The following OPCML variants were observed in gnomAD, a reference collection of about 807,000 sequenced individuals.
OPCML encodes opioid binding protein/cell adhesion molecule like.
A neutral mutation model predicts 37.8 loss-of-function variants in OPCML; 13 were observed. That is an observed-to-expected ratio of 0.34 (90% CI 0.22 to 0.55). The LOEUF (loss-of-function observed/expected upper bound fraction) is 0.55, where lower values mean the gene tolerates loss of function less well. Ranked by LOEUF, OPCML falls within the 20% of genes least tolerant of loss-of-function variation. The pLI is 0.91. For synonymous variants in OPCML, 176 were observed against 168.8 expected (o/e 1.04, Z -0.33); for missense variants, 341 against 435.6 (o/e 0.78, Z 1.93).
intron 4 of OPCML, 151 bp downstream of exon 4, chr11:132,528,910 A>T (rs879065447): frequency 2.0e-6 from 1 of 512,534 alleles, no homozygotes; most frequent in South Asian, 3.9e-5. Flanking sequence ...CTTCTTTTGA[A>T]ATGAAATAGC....
intron 1 of OPCML, among the ~76,000 whole-genome samples, chr11:133,510,357 C>A (rs1169927686): frequency 6.6e-6 from 1 of 152,178 alleles, no homozygotes; most frequent in Non-Finnish European, 1.5e-5. Context: ...ATTTCTGTAC[C>A]TGATTCTGCC....
At chr11:132,603,466 T>A (rs1052925195) in intron 3 of OPCML, among the ~76,000 whole-genome samples, 6 of 152,220 alleles carry the variant, frequency 3.9e-5, no homozygotes, top group African/African-American at 1.4e-4. Context: ...CATTATTCTG[T>A]ATCTCTACCA....
At chr11:132,554,871 T>TTTG (rs1276220646) in intron 3 of OPCML, among the ~76,000 whole-genome samples, 3 of 127,810 alleles carry the variant, frequency 2.3e-5, no homozygotes, top group Admixed American at 8.3e-5. Context: ...AAGTTTTTTT[T>TTTG]TTTTTTTTTT....
chr11:133,269,717 G>A (rs529441728), intron 1 of OPCML, among the ~76,000 whole-genome samples: 30 of 152,206 alleles, frequency 2.0e-4, no homozygotes, highest in Non-Finnish European at 3.7e-4. Context: ...GGACAATATC[G>A]TTAACATGCA....
chr11:132,489,499 T>A (rs2096209525), intron 4 of OPCML, among the ~76,000 whole-genome samples: 1 of 152,218 alleles, frequency 6.6e-6, no homozygotes, highest in African/African-American at 2.4e-5. Context: ...CATGCTGGAC[T>A]TTCACACAAC....
intron 4 of OPCML, among the ~76,000 whole-genome samples, chr11:132,511,982 A>G (rs10894570): frequency 0.21 from 31,705 of 152,002 alleles, 3,387 homozygotes; most frequent in Non-Finnish European, 0.23. Context: ...AGCTGACATA[A>G]GACATGTATC....
chr11:133,062,449 C>T (rs933819901), intron 1 of OPCML, among the ~76,000 whole-genome samples: 5 of 152,194 alleles, frequency 3.3e-5, no homozygotes, highest in Admixed American at 1.3e-4. Flanking sequence ...GTTTTCCAAA[C>T]ATTTTTAATT....
At chr11:132,510,008 C>T (rs373593181) in intron 4 of OPCML, among the ~76,000 whole-genome samples, 66 of 152,310 alleles carry the variant, frequency 4.3e-4, no homozygotes, top group African/African-American at 1.6e-3. Context: ...GGGAGGGAAG[C>T]TGTACCCTGT....
chr11:133,486,468 T>G (rs1195652169), intron 1 of OPCML, among the ~76,000 whole-genome samples: 1 of 152,130 alleles, frequency 6.6e-6, no homozygotes, highest in African/African-American at 2.4e-5. Context: ...CTTCTTTTTT[T>G]TTCTCTTCCT....
intron 4 of OPCML, among the ~76,000 whole-genome samples, chr11:132,487,276 C>A (rs1426540475): frequency 6.6e-6 from 1 of 152,216 alleles, no homozygotes; most frequent in African/African-American, 2.4e-5. Context: ...CCATGACGGG[C>A]AACGTCTCTT....
intron 1 of OPCML, among the ~76,000 whole-genome samples, chr11:133,063,205 C>G (rs1488779730): frequency 6.6e-6 from 1 of 152,238 alleles, no homozygotes; most frequent in Non-Finnish European, 1.5e-5. Context: ...GTGGTACAGG[C>G]TCCGAGTGAG....
intron 2 of OPCML, among the ~76,000 whole-genome samples, chr11:132,942,494 G>T (rs927455270): frequency 1.3e-5 from 2 of 152,152 alleles, no homozygotes; most frequent in African/African-American, 4.8e-5. Context: ...CACATTTGAG[G>T]TGCATCTCTG....
At chr11:132,446,103 CTTTTTTTTTTT>C (rs58784534) in intron 4 of OPCML, among the ~76,000 whole-genome samples, 40 of 48,516 alleles carry the variant, frequency 8.2e-4, no homozygotes, top group African/African-American at 1.6e-3. Flanking sequence ...CTGCTTGTGT[CTTTTTTTTTTT>C]TTTTTTTTTT....
chr11:132,813,378 T>A (rs1487868920), intron 2 of OPCML, among the ~76,000 whole-genome samples: 7 of 152,210 alleles, frequency 4.6e-5, no homozygotes, highest in Admixed American at 6.5e-5. Context: ...TGTTTAATTT[T>A]CAAAATGAGT....
intron 1 of OPCML, among the ~76,000 whole-genome samples, chr11:132,993,440 C>A (rs140297240): frequency 1.3e-5 from 2 of 152,162 alleles, no homozygotes; most frequent in South Asian, 4.2e-4. Context: ...GAAGCAGAAA[C>A]GAGCATGGAT....
chr11:132,994,224 T>C (rs762504788), intron 1 of OPCML, among the ~76,000 whole-genome samples: 1 of 152,158 alleles, frequency 6.6e-6, no homozygotes. Context: ...GGTGCGCTCC[T>C]GCCAGGAGCC....
At chr11:132,678,769 A>C (rs763906748) in intron 2 of OPCML, among the ~76,000 whole-genome samples, 7 of 152,198 alleles carry the variant, frequency 4.6e-5, no homozygotes, top group Non-Finnish European at 1.0e-4. Context: ...CTTACAGGAT[A>C]GTTGAACTAC....
At chr11:133,156,929 C>T (rs1369617729) in intron 1 of OPCML, among the ~76,000 whole-genome samples, 1 of 152,078 alleles carries the variant, frequency 6.6e-6, no homozygotes, top group Non-Finnish European at 1.5e-5. Context: ...GGAAACCCTG[C>T]CTCTCAAACC....
At chr11:133,328,908 C>T (rs1035740971) in intron 1 of OPCML, among the ~76,000 whole-genome samples, 18 of 152,086 alleles carry the variant, frequency 1.2e-4, no homozygotes, top group South Asian at 4.1e-4. Flanking sequence ...TGTTTGCAGA[C>T]GACATGATTG....
Sources: allele counts gnomAD v4.1 joint callset (sites outside exome capture counted in the v4.1 genomes callset), GRCh38; gene constraint gnomAD v4.1.1; transcripts MANE v1.5; gene names NCBI Gene and HGNC (gene_info 2026-07-23, HGNC 2026-07-21).